CCDC91: variants seen among roughly 807,000 people sequenced by gnomAD.
The protein encoded by CCDC91 is coiled-coil domain-containing protein 91.
CCDC91 carries 48 observed loss-of-function variants against 63.2 expected under a neutral mutation model. That is an observed-to-expected ratio of 0.76 (90% CI 0.60 to 0.97). The LOEUF (loss-of-function observed/expected upper bound fraction) is 0.97, where lower values mean the gene tolerates loss of function less well. CCDC91 is among the 50% of genes least tolerant of loss of function. The probability of loss-of-function intolerance (pLI) is 0.00; values close to 1 mark genes in which losing one functional copy is unlikely to be tolerated. For synonymous variants in CCDC91, 167 were observed against 165.8 expected, an observed-to-expected ratio of 1.01 and a Z score of -0.06; for missense variants, 500 against 494.6, an observed-to-expected ratio of 1.01 and a Z score of -0.10.
chr12:28,273,963 T>A (rs1170379987), intron 3 of CCDC91, among the ~76,000 whole-genome samples: 2 of 152,160 alleles, frequency 1.3e-5, no homozygotes, highest in Non-Finnish European at 2.9e-5. Context: ...CTAGGGTTTT[T>A]ATGGTTTTAG....
intron 7 of CCDC91, among the ~76,000 whole-genome samples, chr12:28,388,065 G>A (rs1049531197): frequency 6.6e-5 from 10 of 151,772 alleles, no homozygotes; most frequent in Admixed American, 2.0e-4. Context: ...TTTTGATTAC[G>A]GCCATTCTTG....
chr12:28,324,569 C>T (rs757266246), intron 6 of CCDC91, among the ~76,000 whole-genome samples: 2 of 151,790 alleles, frequency 1.3e-5, no homozygotes, highest in Non-Finnish European at 2.9e-5. Context: ...TCTTCAAATC[C>T]GATCATTTTA....
At chr12:28,327,503 G>C (rs1941122190) in intron 6 of CCDC91, among the ~76,000 whole-genome samples, 1 of 151,990 alleles carries the variant, frequency 6.6e-6, no homozygotes, top group Non-Finnish European at 1.5e-5. Flanking sequence ...GTCACACCTG[G>C]TCCAACCAAT....
At chr12:28,274,725 C>T (rs971540103) in intron 3 of CCDC91, among the ~76,000 whole-genome samples, 5 of 152,086 alleles carry the variant, frequency 3.3e-5, no homozygotes, top group Non-Finnish European at 7.4e-5. Context: ...TGCCTATCAG[C>T]TTAAGGAGAT....
intron 1 of CCDC91, among the ~76,000 whole-genome samples, chr12:28,221,773 T>G (rs2135685224): frequency 6.6e-6 from 1 of 152,352 alleles, no homozygotes; most frequent in South Asian, 2.1e-4. Flanking sequence ...TTTGTTGTTC[T>G]TTTCCTGTCC....
intron 12 of CCDC91, among the ~76,000 whole-genome samples, chr12:28,525,987 T>C (rs1442671272): frequency 2.6e-5 from 4 of 152,080 alleles, no homozygotes; most frequent in South Asian, 2.1e-4. Context: ...TGTGAGTCCA[T>C]ATGTGTTAGG....
chr12:28,391,375 A>C lies in CCDC91; in HGVS notation c.726A>C (p.Lys242Asn), dbSNP rs138184854. Residue 242 changes from lysine to asparagine, a missense_variant, in exon 8 of 13, where the codon AAA becomes AAC. Coordinates refer to ENST00000536442, the MANE Select transcript of CCDC91 (RefSeq NM_018318.5). The stretch of plus-strand genomic sequence containing the variant: ...AACAGTACATTTCTGCAATTGAGAA[A>C]CAGGCACACAAGTGTGAGGAGTTGC... ...IEKQYISAIE[K>N]QAHKCEELLN... The C allele has an allele frequency of 2.0e-4, 323 of 1,612,590 alleles. 1 individual carries two copies. Among genetic ancestry groups the C allele is most frequent in the Non-Finnish European group, 2.4e-4 (288 of 1,178,744 alleles).
intron 8 of CCDC91, among the ~76,000 whole-genome samples, chr12:28,394,424 C>A (rs1946153064): frequency 6.6e-6 from 1 of 151,810 alleles, no homozygotes; most frequent in Non-Finnish European, 1.5e-5. Flanking sequence ...CGAGATCATG[C>A]CACTGCACTC....
At chr12:28,531,916 T>C (rs1565532784) in intron 12 of CCDC91, among the ~76,000 whole-genome samples, 1 of 152,030 alleles carries the variant, frequency 6.6e-6, no homozygotes, top group Non-Finnish European at 1.5e-5. Context: ...GGATGGTAAA[T>C]AGCATAAGGA....
chr12:28,510,626 A>C (rs1176459512), intron 12 of CCDC91, among the ~76,000 whole-genome samples: 1 of 151,906 alleles, frequency 6.6e-6, no homozygotes, highest in Non-Finnish European at 1.5e-5. Context: ...ACACCCTTAC[A>C]GACACGCCCA....
chr12:28,448,857 A>G (rs186782684), intron 8 of CCDC91, among the ~76,000 whole-genome samples: 204 of 152,130 alleles, frequency 1.3e-3, no homozygotes, highest in Non-Finnish European at 2.2e-4. Context: ...TCATATGTAT[A>G]TTTCAAATAG....
intron 3 of CCDC91, among the ~76,000 whole-genome samples, chr12:28,272,297 C>G (rs962736135): frequency 6.6e-6 from 1 of 151,850 alleles, no homozygotes; most frequent in Non-Finnish European, 1.5e-5. Context: ...AAAAGCTCAA[C>G]AAATTAATTA....
At position 28,362,357 on chromosome 12, in the gene CCDC91, A is replaced by T; in HGVS notation, c.577-81A>T. ...CACAAACCACTGAATCATTCGTGGA[A>T]GCAGCAAAAGTCTATGGTTTTATTA... On this transcript the variant is annotated intron_variant, in intron 6 of 12. Coordinates refer to ENST00000536442, the MANE Select transcript of CCDC91 (RefSeq NM_018318.5). 3.3e-6 allele frequency: 3 copies of T among 896,694 alleles called. No individual in the cohort carries two copies. The South Asian group carries it at 4.6e-5, about 14-fold the overall frequency. 55.5% of individuals were successfully genotyped at this position (896,694 alleles called of 1,614,324 possible).
chr12:28,214,666 TTAAG>T (rs1355942379), intron 1 of CCDC91, among the ~76,000 whole-genome samples: 2 of 152,146 alleles, frequency 1.3e-5, no homozygotes, highest in African/African-American at 4.8e-5. Context: ...ATAATAGTAT[TTAAG>T]TATTGTTTGC....
intron 1 of CCDC91, among the ~76,000 whole-genome samples, chr12:28,249,965 A>G (rs548748745): frequency 1.3e-5 from 2 of 152,258 alleles, no homozygotes; most frequent in African/African-American, 4.8e-5. Flanking sequence ...TTGGGAATGT[A>G]TGACTGGCCC....
chr12:28,223,429 A>G (rs1944076665), intron 1 of CCDC91, among the ~76,000 whole-genome samples: 1 of 152,074 alleles, frequency 6.6e-6, no homozygotes, highest in Non-Finnish European at 1.5e-5. Context: ...TGCTAGCCTG[A>G]CTGTGGTTTC....
At chr12:28,335,219 GTAGA>G (rs1450107807) in intron 6 of CCDC91, among the ~76,000 whole-genome samples, 1 of 131,690 alleles carries the variant, frequency 7.6e-6, no homozygotes, top group Non-Finnish European at 1.6e-5. Flanking sequence ...ATATAAATAT[GTAGA>G]TAAATACATA....
chr12:28,361,099 C>A (rs1943847225), intron 6 of CCDC91, among the ~76,000 whole-genome samples: 1 of 150,698 alleles, frequency 6.6e-6, no homozygotes, highest in Admixed American at 6.6e-5. Flanking sequence ...ATATAATGTC[C>A]CACATTCGTG....
chr12:28,467,651 A>G (rs914713422), intron 11 of CCDC91, among the ~76,000 whole-genome samples: 1 of 152,104 alleles, frequency 6.6e-6, no homozygotes, highest in African/African-American at 2.4e-5. Context: ...AAGGTTACAG[A>G]ATTCACATTC....
Sources: allele counts gnomAD v4.1 joint callset (sites outside exome capture counted in the v4.1 genomes callset), GRCh38; gene constraint gnomAD v4.1.1; transcripts MANE v1.5; gene names NCBI Gene and HGNC (gene_info 2026-07-23, HGNC 2026-07-21).